ANKHD1: variants seen among roughly 807,000 people sequenced by gnomAD.
The protein encoded by ANKHD1 is ankyrin repeat and KH domain containing 1.
ANKHD1 carries 31 observed loss-of-function variants against 230.5 expected under a neutral mutation model. The observed-to-expected ratio is 0.13, with a 90% CI of 0.10 to 0.18. The LOEUF (loss-of-function observed/expected upper bound fraction) is 0.18, where lower values mean the gene tolerates loss of function less well. ANKHD1 is among the 10% of genes least tolerant of loss of function. ANKHD1 has a pLI of 1.00. For synonymous variants in ANKHD1, 1,074 were observed against 1,117.6 expected, an observed-to-expected ratio of 0.96 and a Z score of 0.78; for missense variants, 2,256 against 3,071.3, an observed-to-expected ratio of 0.73 and a Z score of 6.27.
At chr5:140,423,099 C>CA (rs1772130852) in intron 1 of ANKHD1, among the ~76,000 whole-genome samples, 1 of 151,938 alleles carries the variant, frequency 6.6e-6, no homozygotes, top group Non-Finnish European at 1.5e-5. Flanking sequence ...GGTGAGGTCT[C>CA]AATACCTAGG....
intron 2 of ANKHD1, among the ~76,000 whole-genome samples, chr5:140,437,701 G>A (rs900713565): frequency 2.0e-4 from 30 of 152,056 alleles, no homozygotes; most frequent in African/African-American, 6.5e-4. Flanking sequence ...GCAAGACTCC[G>A]TCTCAAAAAA....
In ANKHD1 at chr5:140,402,457, G is replaced by A. The variant is rs952375332; in HGVS notation, c.306+184G>A. Among the ~76,000 whole-genome samples, 7 of 152,306 alleles carry A rather than the reference G, an allele frequency of 4.6e-5. No homozygotes were observed. In the South Asian group the frequency reaches 1.2e-3, roughly 27 times the overall value. ...CCTCGGCTTACTCTTTAGCTCGAGC[G>A]GGACAGGTTCCCGTCACCATTCGTA... is the stretch of plus-strand genomic sequence containing the variant. On this transcript the variant is annotated intron_variant, in intron 1 of 33. Transcript: ENST00000360839.
intron 1 of ANKHD1, among the ~76,000 whole-genome samples, chr5:140,425,839 G>C (rs1581226389): frequency 6.6e-6 from 1 of 152,112 alleles, no homozygotes; most frequent in Non-Finnish European, 1.5e-5. Context: ...TAGAATTTTG[G>C]AGTACTGTGT....
In ANKHD1 at chr5:140,529,550, C is replaced by A; in HGVS notation, c.6604C>A (p.Pro2202Thr). ...HINPANKSLP[P>T]TFGPATLFNH... ...AAACCCAGCAAATAAGTCTTTGCCA[C>A]CTACATTTGGCCCAGCCACACTTTT... Residue 2202 changes from proline (P) to threonine (T), a missense_variant, in exon 29 of 34, where the codon CCT becomes ACT. Pro to Thr is a conservative substitution (Grantham distance 38). Coordinates refer to ENST00000360839, the MANE Select transcript of ANKHD1 (RefSeq NM_017747.3). 1 of 1,614,206 alleles carries A rather than the reference C, an allele frequency of 6.2e-7. No individual in the cohort carries two copies. Among genetic ancestry groups the A allele is most frequent in the Non-Finnish European group, 8.5e-7 (1 of 1,180,050 alleles).
rs749455688 is a variant in ANKHD1 at position 140,507,775 on chromosome 5, C to T, written c.3552-10C>T. 2.4e-5 allele frequency: 38 copies of T among 1,611,098 alleles called. No individual in the cohort carries two copies. The highest frequency in any genetic ancestry group is 3.1e-5 in the Non-Finnish European group (37 of 1,177,738). On this transcript the variant is annotated splice_polypyrimidine_tract_variant and intron_variant, in intron 19 of 33. Transcript: ENST00000360839. The surrounding 1 kb of genome is among the most constrained non-coding windows in gnomAD (Gnocchi z 4.1). ...TTATTTTAATTTTCTAAGCACATTT[C>T]CCCCTTTAGGACTGGGAGTAAACTA...
chr5:140,453,535 C>G lies in ANKHD1; in HGVS notation c.1242+4230C>G, dbSNP rs1288119730. 2.6e-5 allele frequency among the ~76,000 whole-genome samples: 4 copies of G among 152,136 alleles called. No homozygotes were observed. In the East Asian group the frequency reaches 5.8e-4, roughly 22 times the overall value. The stretch of plus-strand genomic sequence containing the variant: ...ATCTCTTGGCAGAAACTCTACAAGC[C>G]AGAAGAGAATGGGGCCCAATATTCA... On this transcript the variant is annotated intron_variant, in intron 7 of 33. Coordinates refer to ENST00000360839, the MANE Select transcript of ANKHD1 (RefSeq NM_017747.3).
At chr5:140,444,911 C>A (rs1423182543) in intron 5 of ANKHD1, among the ~76,000 whole-genome samples, 49 of 151,996 alleles carry the variant, frequency 3.2e-4, no homozygotes, top group Admixed American at 3.2e-3. Context: ...AACATATAGT[C>A]TTTTGTATTG....
chr5:140,487,170 G>A (rs1244504789), intron 14 of ANKHD1, 110 bp downstream of exon 14: 3 of 1,160,418 alleles, frequency 2.6e-6, no homozygotes, highest in East Asian at 3.0e-5. Context: ...GCTAATTGAG[G>A]TAGATAATTC....
Position 140,512,314 on chromosome 5 carries a change from T to A in ANKHD1, c.4105-514T>A, listed in dbSNP as rs1013531297. Among the ~76,000 whole-genome samples, 10 of 152,284 alleles carry A rather than the reference T, an allele frequency of 6.6e-5. No homozygotes were observed. In the East Asian group the frequency reaches 1.9e-3, roughly 29 times the overall value. On this transcript the variant is annotated intron_variant, in intron 22 of 33. Coordinates refer to ENST00000360839, the MANE Select transcript of ANKHD1 (RefSeq NM_017747.3). ...CTTGATAATGGCATTTAGAAAGTGTTTTATTTAGATTCAAGTCCTAAGGCT... is the reference window on the plus strand; with the variant it reads ...CTTGATAATGGCATTTAGAAAGTGTATTATTTAGATTCAAGTCCTAAGGCT...
At chr5:140,463,039 G>A (rs192037042) in intron 9 of ANKHD1, among the ~76,000 whole-genome samples, 1 of 151,806 alleles carries the variant, frequency 6.6e-6, no homozygotes, top group East Asian at 1.9e-4. Context: ...TTGTAGAGGT[G>A]GGGTCTTGCT....
rs1264890977 is a variant in ANKHD1, at chr5:140,513,028, C to T, written c.4200+105C>T. 3 of 1,119,822 alleles carry T rather than the reference C, an allele frequency of 2.7e-6. No individual in the cohort carries two copies. The African/African-American group carries it at 4.8e-5, about 18-fold the overall frequency. 69.4% of individuals were successfully genotyped at this position (1,119,822 alleles called of 1,614,324 possible). On this transcript the variant is annotated intron_variant, in intron 23 of 33. Coordinates refer to ENST00000360839, the MANE Select transcript of ANKHD1 (RefSeq NM_017747.3). ...TTTTTATATTCTGAAAGGTTGGTCA[C>T]CTGATCTCTTTATGCGTTTGTTTCT...
At chr5:140,492,708 G>A (rs575944345) in intron 14 of ANKHD1, among the ~76,000 whole-genome samples, 1 of 152,124 alleles carries the variant, frequency 6.6e-6, no homozygotes, top group South Asian at 2.1e-4. Flanking sequence ...ACAGAACAAG[G>A]TTTAAGTTTT....
At chr5:140,539,293 A>T in intron 33 of ANKHD1, 66 bp from the exon 34 acceptor site, 1 of 1,606,906 alleles carries the variant, frequency 6.2e-7, no homozygotes, top group South Asian at 1.1e-5. Flanking sequence ...TTGCATTTAT[A>T]TATTCATTTT....
At chr5:140,424,210 A>G (rs935368443) in intron 1 of ANKHD1, among the ~76,000 whole-genome samples, 7 of 143,862 alleles carry the variant, frequency 4.9e-5, no homozygotes, top group African/African-American at 1.8e-4. Context: ...ACTAGCTACT[A>G]TATATATATA....
At chr5:140,405,719 G>T (rs1005386370) in intron 1 of ANKHD1, among the ~76,000 whole-genome samples, 2 of 152,138 alleles carry the variant, frequency 1.3e-5, no homozygotes, top group South Asian at 2.1e-4. Context: ...TGCAACCTCC[G>T]CCTCCTGGGT....
intron 29 of ANKHD1, 57 bp downstream of exon 29, chr5:140,529,853 CTT>C: frequency 1.3e-6 from 2 of 1,566,086 alleles, no homozygotes; most frequent in Admixed American, 3.8e-5. Context: ...CTAATCTCAC[CTT>C]AAGTGGACAA....
chr5:140,402,406 G>A, intron 1 of ANKHD1, 133 bp downstream of exon 1: 1 of 1,264,252 alleles, frequency 7.9e-7, no homozygotes, highest in South Asian at 1.8e-5. Context: ...CATGGCGGCG[G>A]TGGCCGCGGT....
At chr5:140,510,527 G>A (rs1321350278) in intron 22 of ANKHD1, among the ~76,000 whole-genome samples, 2 of 151,586 alleles carry the variant, frequency 1.3e-5, no homozygotes, top group Non-Finnish European at 2.9e-5. Context: ...TGGTCAGGCT[G>A]GTCTCAAACT....
At chr5:140,447,874 A>G (rs1028573854) in intron 6 of ANKHD1, among the ~76,000 whole-genome samples, 2 of 152,222 alleles carry the variant, frequency 1.3e-5, no homozygotes, top group Admixed American at 6.5e-5. Context: ...GTGCGGCCTT[A>G]TAACTACCAC....
Sources: allele counts gnomAD v4.1 joint callset (sites outside exome capture counted in the v4.1 genomes callset), GRCh38; gene constraint gnomAD v4.1.1; non-coding constraint Gnocchi (gnomAD v3.1); transcripts MANE v1.5; gene names NCBI Gene and HGNC (gene_info 2026-07-23, HGNC 2026-07-21).